The following CDC25A variants were observed in gnomAD, a reference collection of about 807,000 sequenced individuals.
The protein encoded by CDC25A is cell division cycle 25A.
Under a neutral mutation model 64.6 loss-of-function variants are expected in CDC25A, and 17 were observed. That is an observed-to-expected ratio of 0.26 (90% CI 0.18 to 0.39). The LOEUF is 0.39. Among genes scored for constraint, CDC25A ranks in the 10% least tolerant of loss-of-function variants. The pLI is 1.00. For synonymous variants in CDC25A, 229 were observed against 238.6 expected (o/e 0.96, Z 0.37); for missense variants, 473 against 654.8 (o/e 0.72, Z 3.03).
chr3:48,183,507 T>C (rs3731504), intron 4 of CDC25A, among the ~76,000 whole-genome samples: 6,200 of 152,012 alleles, frequency 0.041, 438 homozygotes, highest in African/African-American at 0.14. Flanking sequence ...GAGACCCCCA[T>C]GTCTACAAAA....
Position 48,186,683 on chromosome 3 carries a change from C to T in CDC25A, c.247+20G>A, listed in dbSNP as rs371928109. ...TCAGGAAATTCAGAGTATTGCTCCC[C>T]ACACAGCAGACTTAAATACCTGAAT... On this transcript the variant is annotated intron_variant, in intron 2 of 14. Transcript: ENST00000302506. 219 of 1,515,968 alleles carry T rather than the reference C, an allele frequency of 1.4e-4. No individual in the cohort carries two copies. Among genetic ancestry groups the T allele is most frequent in the Non-Finnish European group, 2.0e-4 (214 of 1,096,904 alleles). 93.9% of individuals were successfully genotyped at this position (1,515,968 alleles called of 1,614,324 possible). A position where few individuals can be genotyped will look rare whatever the true frequency, so the allele number is the denominator to read the frequency against.
chr3:48,167,274 G>A lies in CDC25A; in HGVS notation c.1029+572C>T, dbSNP rs3731541. ...AATTAATGAATAAAACATTGATCTG[G>A]TAACCTTCAAGTCAAAATGTGATTA... On this transcript the variant is annotated intron_variant, in intron 10 of 14. Coordinates refer to ENST00000302506, the MANE Select transcript of CDC25A (RefSeq NM_001789.3). Among the ~76,000 whole-genome samples the A allele has an allele frequency of 8.7e-4, 133 of 152,282 alleles. No individual in the cohort carries two copies. In the South Asian group the frequency reaches 9.5e-3, roughly 11 times the overall value.
chr3:48,175,648 T>C (rs577175856), intron 8 of CDC25A, among the ~76,000 whole-genome samples: 40 of 152,346 alleles, frequency 2.6e-4, no homozygotes, highest in African/African-American at 9.6e-4. Context: ...GTAATAACCA[T>C]TTGTGGAAGA....
intron 5 of CDC25A, 28 bp downstream of exon 5, chr3:48,182,901 C>T: frequency 6.9e-7 from 1 of 1,442,416 alleles, no homozygotes; most frequent in Non-Finnish European, 9.8e-7. Flanking sequence ...ACCTCTGCCT[C>T]AGGTTAGTAC....
chr3:48,160,271 C>G (rs1053736104), intron 13 of CDC25A, among the ~76,000 whole-genome samples: 2 of 152,092 alleles, frequency 1.3e-5, no homozygotes, highest in Non-Finnish European at 2.9e-5. Context: ...TGCCACCGCC[C>G]AGCTGATTTT....
chr3:48,167,168 G>A (rs2032058580), intron 10 of CDC25A, among the ~76,000 whole-genome samples: 1 of 152,176 alleles, frequency 6.6e-6, no homozygotes, highest in African/African-American at 2.4e-5. Context: ...CCAACCACAT[G>A]CTAAATTCTT....
chr3:48,179,922 C>T (rs112854033), intron 6 of CDC25A, among the ~76,000 whole-genome samples: 6 of 152,248 alleles, frequency 3.9e-5, no homozygotes, highest in African/African-American at 1.4e-4. Flanking sequence ...GGTCATCTTG[C>T]TCAAGTTGGG....
intron 12 of CDC25A, among the ~76,000 whole-genome samples, chr3:48,165,165 C>A (rs77491117): frequency 6.7e-6 from 1 of 148,592 alleles, no homozygotes; most frequent in Non-Finnish European, 1.5e-5. Context: ...TTCTTGGGAA[C>A]GTGTGTCCCA....
intron 12 of CDC25A, 145 bp from the exon 13 acceptor site, chr3:48,164,582 A>T (rs949943156): frequency 1.2e-5 from 8 of 675,922 alleles, no homozygotes; most frequent in Non-Finnish European, 1.8e-5. Flanking sequence ...TGAATAGCCC[A>T]GTAGACCATT....
intron 9 of CDC25A, among the ~76,000 whole-genome samples, chr3:48,170,010 A>G (rs929666734): frequency 6.7e-6 from 1 of 149,018 alleles, no homozygotes; most frequent in Non-Finnish European, 1.5e-5. Context: ...CTTGGTCTCA[A>G]AAAAAAAAAC....
At chr3:48,169,132 G>C (rs1476157549) in intron 9 of CDC25A, among the ~76,000 whole-genome samples, 1 of 152,180 alleles carries the variant, frequency 6.6e-6, no homozygotes, top group Non-Finnish European at 1.5e-5. Flanking sequence ...GCTTGGTAGG[G>C]CATTATTTGG....
intron 13 of CDC25A, among the ~76,000 whole-genome samples, chr3:48,159,755 G>C (rs1267036895): frequency 1.3e-5 from 2 of 152,116 alleles, no homozygotes; most frequent in Non-Finnish European, 2.9e-5. Context: ...ATATGAGCCA[G>C]CTTCCCCTTG....
chr3:48,187,963 C>T lies in CDC25A; in HGVS notation c.-16G>A. ...CCAGTTCCATGGCGGCGCCCGGCCTCGCAGAGCTCCCGCTCCCTCTTCCTC... is the reference window on the plus strand; with the variant it reads ...CCAGTTCCATGGCGGCGCCCGGCCTTGCAGAGCTCCCGCTCCCTCTTCCTC... On this transcript the variant is annotated 5_prime_UTR_variant, in exon 1 of 15. Transcript: ENST00000302506. The T allele has an allele frequency of 6.8e-7, 1 of 1,462,222 alleles. No homozygotes were observed. The highest frequency in any genetic ancestry group is 9.0e-7 in the Non-Finnish European group (1 of 1,112,850). The allele number at this position is 1,462,222 out of a possible 1,614,324, so 90.6% of individuals were successfully genotyped here. A position where few individuals can be genotyped will look rare whatever the true frequency, so the allele number is the denominator to read the frequency against.
chr3:48,166,747 T>C (rs976113008), intron 10 of CDC25A, among the ~76,000 whole-genome samples: 7 of 152,058 alleles, frequency 4.6e-5, no homozygotes, highest in African/African-American at 1.4e-4. Context: ...TCAATTCAAG[T>C]TGAAAATTCC....
At chr3:48,183,713 C>T (rs1277230664) in intron 4 of CDC25A, 87 bp downstream of exon 4, 3 of 832,078 alleles carry the variant, frequency 3.6e-6, no homozygotes, top group Non-Finnish European at 4.0e-6. Flanking sequence ...TTTTTACTCT[C>T]TAAATTAAGT....
chr3:48,168,347 A>G (rs2032121835), intron 9 of CDC25A, among the ~76,000 whole-genome samples: 1 of 133,402 alleles, frequency 7.5e-6, no homozygotes, highest in Non-Finnish European at 1.6e-5. Flanking sequence ...CAGATCAAAG[A>G]GCAAGACCCT....
At chr3:48,183,706 T>G in intron 4 of CDC25A, 94 bp downstream of exon 4, 1 of 790,528 alleles carries the variant, frequency 1.3e-6, no homozygotes, top group Non-Finnish European at 2.1e-6. Flanking sequence ...AAAGCAGTTT[T>G]TACTCTCTAA....
At chr3:48,159,293 C>A in intron 14 of CDC25A, 51 bp downstream of exon 14, 2 of 1,406,978 alleles carry the variant, frequency 1.4e-6, no homozygotes, top group Non-Finnish European at 2.0e-6. Context: ...ATCCATTAGT[C>A]TACCACTGGG....
chr3:48,185,317 G>A (rs762875515), intron 2 of CDC25A, among the ~76,000 whole-genome samples: 2 of 151,930 alleles, frequency 1.3e-5, no homozygotes, highest in East Asian at 3.9e-4. Context: ...TGGGGAGGCT[G>A]GAGTGGGAGG....
Sources: gnomAD v4.1 joint callset for allele counts (sites outside exome capture counted in the v4.1 genomes callset) on GRCh38, gnomAD v4.1.1 for gene constraint, MANE v1.5 for transcripts, NCBI Gene and HGNC (gene_info 2026-07-23, HGNC 2026-07-21) for gene names.